The following STK40 variants were observed in gnomAD, a reference collection of about 807,000 sequenced individuals.
STK40 encodes the protein serine/threonine kinase 40.
In STK40, 13 loss-of-function variants were observed where a neutral mutation model predicts 47.9. The observed-to-expected ratio is 0.27, with a 90% CI of 0.18 to 0.43. The LOEUF is 0.43. Among genes scored for constraint, STK40 ranks in the 20% least tolerant of loss-of-function variants. The pLI, the probability that STK40 is intolerant of heterozygous loss-of-function variation, is 1.00. For missense variants in STK40, 460 were observed against 595.1 expected (o/e 0.77, Z 2.36); for synonymous variants, 225 against 243.2 (o/e 0.93, Z 0.69).
chr1:36,358,565 ACT>A (rs1360747203), intron 3 of STK40, among the ~76,000 whole-genome samples, 170 bp downstream of exon 3: 3 of 151,772 alleles, frequency 2.0e-5, no homozygotes, highest in Non-Finnish European at 4.4e-5. Flanking sequence ...CACAGACAAA[ACT>A]CTTTAAATCA....
chr1:36,361,421 T>C, intron 1 of STK40, 81 bp from the exon 2 acceptor site: 2 of 1,585,768 alleles, frequency 1.3e-6, no homozygotes, highest in African/African-American at 1.3e-5. Context: ...GGCCTTTGAC[T>C]TGGGATGCAT....
chr1:36,344,139 C>A lies in STK40; in HGVS notation c.865G>T (p.Ala289Ser). The part of the protein sequence containing the change: ...PQELFRKIKA[A>S]EYTIPEDGRV... The stretch of plus-strand genomic sequence containing the variant: ...ACTCACTCAGGAATGGTATACTCGG[C>A]AGCCTTGATCTTGCGGAAGAGCTCC... The change falls in exon 8 of 11, where the codon GCC (alanine) becomes TCC (serine). Residue 289 changes from alanine (A) to serine (S), a missense_variant. By Grantham distance (99) the Ala-to-Ser change is moderately conservative (BLOSUM62 1). Transcript: ENST00000373132. 1.2e-6 allele frequency: 2 copies of A among 1,610,138 alleles called. No individual in the cohort carries two copies. The highest frequency in any genetic ancestry group is 1.7e-6 in the Non-Finnish European group (2 of 1,178,374).
chr1:36,359,876 T>C (rs540203589), intron 2 of STK40, among the ~76,000 whole-genome samples: 1 of 152,344 alleles, frequency 6.6e-6, no homozygotes, highest in South Asian at 2.1e-4. Flanking sequence ...GTAAGCCCTT[T>C]CCTGCTGCTG....
Position 36,358,767 on chromosome 1 carries a change from T to C in STK40, c.168A>G (p.Lys56=). ...VPSIVQCLAR[K]DGTDDFYQLK... is the part of the protein sequence containing the mutation. ...GCTGATAGAAGTCATCCGTGCCATC[T>C]TTCCTCGCCAAACACTGCACTATGC... The change falls in exon 3 of 11, where the codon AAA becomes AAG. Residue 56 remains lysine, a synonymous_variant. Coordinates refer to ENST00000373132, the MANE Select transcript of STK40 (RefSeq NM_001282547.2). The C allele has an allele frequency of 1.2e-6, 2 of 1,614,206 alleles. No homozygotes were observed. The highest frequency in any genetic ancestry group is 1.7e-6 in the Non-Finnish European group (2 of 1,180,042).
chr1:36,342,148 AC>A (rs1360007701), intron 10 of STK40, 175 bp from the exon 11 acceptor site: 5 of 637,018 alleles, frequency 7.8e-6, no homozygotes, highest in Non-Finnish European at 1.4e-5. Context: ...TGGGTCCCTG[AC>A]CCCCTCCAGC....
At position 36,341,611 on chromosome 1, in the gene STK40, G is replaced by C; in HGVS notation, c.*144C>G. 1 of 951,430 alleles carries C rather than the reference G, an allele frequency of 1.1e-6. No individual in the cohort carries two copies. The highest frequency in any genetic ancestry group is 1.6e-6 in the Non-Finnish European group (1 of 645,000). The allele number at this position is 951,430 out of a possible 1,614,324, so 58.9% of individuals were successfully genotyped here. A position where few individuals can be genotyped will look rare whatever the true frequency, so the allele number is the denominator to read the frequency against. On this transcript the variant is annotated 3_prime_UTR_variant, in exon 11 of 11. Coordinates refer to ENST00000373132, the MANE Select transcript of STK40 (RefSeq NM_001282547.2). ...TTCGTGGTACCTCTGCTGACCCCAC[G>C]TGTGACCTGGGCTGTCCCTGTCCCT...
chr1:36,363,491 T>C (rs1646871269), intron 1 of STK40, among the ~76,000 whole-genome samples: 1 of 152,082 alleles, frequency 6.6e-6, no homozygotes, highest in Non-Finnish European at 1.5e-5. Context: ...TCCCTATTTA[T>C]GGACATCTAG....
intron 1 of STK40, among the ~76,000 whole-genome samples, chr1:36,378,467 C>A (rs1647010452): frequency 6.8e-6 from 1 of 147,956 alleles, no homozygotes; most frequent in Admixed American, 6.8e-5. Flanking sequence ...GGCTTTTTTT[C>A]TTTTTTTTTT....
intron 6 of STK40, among the ~76,000 whole-genome samples, chr1:36,350,798 G>T (rs556494386): frequency 9.2e-5 from 14 of 152,360 alleles, no homozygotes; most frequent in African/African-American, 3.4e-4. Context: ...AACACTGCTG[G>T]TGGGACTTTC....
chr1:36,372,423 CAAAAAAAAAAA>C (rs796595993), intron 1 of STK40, among the ~76,000 whole-genome samples: 2 of 39,608 alleles, frequency 5.0e-5, no homozygotes, highest in Non-Finnish European at 1.2e-4. Flanking sequence ...GACCTTGTCT[CAAAAAAAAAAA>C]AAAAAAAAAA....
chr1:36,379,226 A>G (rs973275022), intron 1 of STK40, among the ~76,000 whole-genome samples: 11 of 152,100 alleles, frequency 7.2e-5, no homozygotes, highest in African/African-American at 2.4e-4. Flanking sequence ...GGACAGCTTT[A>G]TTCTGCATGC....
chr1:36,362,922 G>A lies in STK40; in HGVS notation c.-8-1582C>T, dbSNP rs959841064. ...TTTAATCCCAACACTTAGGGAGGCC[G>A]AGGTGGGTGGATCACCTGAAGTCAG... On this transcript the variant is annotated intron_variant, in intron 1 of 10. Coordinates refer to ENST00000373132, the MANE Select transcript of STK40 (RefSeq NM_001282547.2). Among the ~76,000 whole-genome samples the A allele has an allele frequency of 7.2e-5, 11 of 152,204 alleles. 1 individual carries two copies. The highest frequency in any genetic ancestry group is 3.9e-4 in the Admixed American group (6 of 15,284).
chr1:36,359,103 T>C (rs557245564), intron 2 of STK40, among the ~76,000 whole-genome samples: 3 of 152,220 alleles, frequency 2.0e-5, no homozygotes, highest in African/African-American at 7.2e-5. Flanking sequence ...CTAGTGAGCA[T>C]CTATTAAAAA....
chr1:36,351,173 G>A (rs1021561611), intron 6 of STK40, among the ~76,000 whole-genome samples: 2 of 152,198 alleles, frequency 1.3e-5, no homozygotes, highest in Admixed American at 1.3e-4. Context: ...AAGAAAGGAG[G>A]AAGGAAAAAG....
At chr1:36,371,245 T>C (rs1170660321) in intron 1 of STK40, among the ~76,000 whole-genome samples, 3 of 150,434 alleles carry the variant, frequency 2.0e-5, no homozygotes, top group Non-Finnish European at 4.4e-5. Flanking sequence ...GTAGTTACTA[T>C]ACTGTATTAA....
chr1:36,377,410 G>A (rs113086024), intron 1 of STK40, among the ~76,000 whole-genome samples: 2,377 of 151,766 alleles, frequency 0.016, 70 homozygotes, highest in African/African-American at 0.054. Flanking sequence ...GCACTCGCCT[G>A]TAGTCCCAGC....
intron 2 of STK40, among the ~76,000 whole-genome samples, chr1:36,360,548 TTTTTAGAG>T (rs1287798716): frequency 2.1e-5 from 3 of 146,316 alleles, no homozygotes; most frequent in African/African-American, 7.7e-5. Context: ...TTATTTTATT[TTTTTAGAG>T]AGAGAGTCTC....
intron 1 of STK40, among the ~76,000 whole-genome samples, chr1:36,378,195 C>A (rs1483953290): frequency 1.3e-5 from 2 of 152,190 alleles, no homozygotes; most frequent in African/African-American, 4.8e-5. Flanking sequence ...AGCTTTGGGG[C>A]TGGCTCTATG....
rs542697578 is a variant in STK40 at position 36,363,397 on chromosome 1, T to C, written c.-8-2057A>G. ...CAAAACAAAAACCCATTAACATCCC[T>C]GCATCACAATATTCTTTTGCAACAT... On this transcript the variant is annotated intron_variant, in intron 1 of 10. Coordinates refer to ENST00000373132, the MANE Select transcript of STK40 (RefSeq NM_001282547.2). 2.6e-5 allele frequency among the ~76,000 whole-genome samples: 4 copies of C among 152,294 alleles called. No individual in the cohort carries two copies. The South Asian group carries it at 6.2e-4, about 24-fold the overall frequency.
Sources: allele counts gnomAD v4.1 joint callset (sites outside exome capture counted in the v4.1 genomes callset), GRCh38; gene constraint gnomAD v4.1.1; transcripts MANE v1.5; gene names NCBI Gene and HGNC (gene_info 2026-07-23, HGNC 2026-07-21).